Variants in LRP1B observed in about 807,000 individuals in gnomAD.
LRP1B encodes LDL receptor related protein 1B, also known as low-density lipoprotein receptor-related protein 1B.
LRP1B carries 217 observed loss-of-function variants against 556.6 expected under a neutral mutation model. The ratio of observed to expected loss-of-function variants is 0.39; its 90% confidence interval spans 0.35 to 0.44. The LOEUF (loss-of-function observed/expected upper bound fraction) is 0.44, where lower values mean the gene tolerates loss of function less well. Among genes scored for constraint, LRP1B ranks in the 20% least tolerant of loss-of-function variants. The probability of loss-of-function intolerance (pLI) is 1.00; values close to 1 mark genes in which losing one functional copy is unlikely to be tolerated. For synonymous variants in LRP1B, 2,047 were observed against 1,865.8 expected (o/e 1.10, Z -2.50); for missense variants, 5,053 against 5,620.8 (o/e 0.90, Z 3.23).
intron 66 of LRP1B, among the ~76,000 whole-genome samples, chr2:140,403,215 C>T (rs1165272118): frequency 6.6e-6 from 1 of 152,060 alleles, no homozygotes; most frequent in African/African-American, 2.4e-5. Context: ...ATTCTGATAA[C>T]ATGATAAAAC....
intron 2 of LRP1B, among the ~76,000 whole-genome samples, chr2:141,741,263 C>CTTTTTTTTTTTTTTTTTTTTTTT (rs11326947): frequency 1.7e-5 from 1 of 57,988 alleles, no homozygotes; most frequent in Non-Finnish European, 3.3e-5. Context: ...TACTGATTTC[C>CTTTTTTTTTTTTTTTTTTTTTTT]TTTTTTTTTT....
At chr2:140,968,006 T>TTTTGTTGTGTG (rs1558770218) in intron 18 of LRP1B, among the ~76,000 whole-genome samples, 1 of 3,882 alleles carries the variant, frequency 2.6e-4, no homozygotes, top group Admixed American at 8.9e-3. Flanking sequence ...AATTCTCTTT[T>TTTTGTTGTGTG]TTTGCCAGGC....
Position 141,229,329 on chromosome 2 carries a change from A to G in LRP1B, c.704T>C (p.Ile235Thr). The change falls in exon 6 of 91, where the codon ATT (isoleucine) becomes ACT (threonine). Residue 235 changes from isoleucine to threonine, a missense_variant. By Grantham distance (89) the Ile-to-Thr change is moderately conservative (BLOSUM62 -1). This residue lies in a region of LRP1B where 3,619 missense variants were observed against 3,931.9 expected (regional missense o/e 0.92). Coordinates refer to ENST00000389484, the MANE Select transcript of LRP1B (RefSeq NM_018557.3). The stretch of plus-strand genomic sequence containing the variant: ...ATTATAAATAAAATCCAGAGTATGA[A>G]TTTCATTTCCATTGACTGAGCTTAG... ...ATLSSVNGNEIHTLDFIYNED... is the reference protein window; with the variant it reads ...ATLSSVNGNETHTLDFIYNED... The G allele has an allele frequency of 6.2e-7, 1 of 1,612,816 alleles. No homozygotes were observed. The highest frequency in any genetic ancestry group is 8.5e-7 in the Non-Finnish European group (1 of 1,179,132).
chr2:141,354,936 C>T (rs897503670), intron 3 of LRP1B, among the ~76,000 whole-genome samples: 1 of 152,014 alleles, frequency 6.6e-6, no homozygotes, highest in African/African-American at 2.4e-5. Flanking sequence ...TTTAGTTTAT[C>T]ACTAGTAGCA....
chr2:140,893,453 G>A (rs551096613), intron 23 of LRP1B, among the ~76,000 whole-genome samples: 3 of 152,174 alleles, frequency 2.0e-5, no homozygotes, highest in Admixed American at 2.0e-4. Context: ...TTATGTAAAT[G>A]CTCCTGCTTT....
intron 3 of LRP1B, among the ~76,000 whole-genome samples, chr2:141,356,164 C>T (rs1383628831): frequency 6.6e-6 from 1 of 152,166 alleles, no homozygotes; most frequent in Non-Finnish European, 1.5e-5. Context: ...CTGCTGCTAT[C>T]AAAGAGAGAT....
intron 3 of LRP1B, among the ~76,000 whole-genome samples, chr2:141,339,928 C>G (rs942240988): frequency 2.0e-5 from 3 of 151,966 alleles, no homozygotes; most frequent in African/African-American, 4.8e-5. Flanking sequence ...GCTTTCACCC[C>G]CCTCCAAACC....
intron 1 of LRP1B, among the ~76,000 whole-genome samples, chr2:142,033,471 G>C (rs927450511): frequency 6.6e-6 from 1 of 151,416 alleles, no homozygotes; most frequent in Non-Finnish European, 1.5e-5. Flanking sequence ...TTGCCTCCTG[G>C]AATCTATTCC....
chr2:140,356,442 A>T lies in LRP1B; in HGVS notation c.11430T>A (p.Asn3810Lys), dbSNP rs766996117. Residue 3810 changes from asparagine to lysine, a missense_variant, in exon 75 of 91, where the codon AAT becomes AAA. Asn to Lys is a moderately conservative substitution (Grantham distance 94). Coordinates refer to ENST00000389484, the MANE Select transcript of LRP1B (RefSeq NM_018557.3). The stretch of plus-strand genomic sequence containing the variant: ...TACAATATGCATCATCTCCACATGG[A>T]TTCACATTATCTTCACAGGTATATT... ...PTEYTCEDNV[N>K]PCGDDAYCNQ... The T allele has an allele frequency of 6.2e-7, 1 of 1,607,428 alleles. No homozygotes were observed. The highest frequency in any genetic ancestry group is 1.7e-5 in the Admixed American group (1 of 59,856).
At chr2:141,694,237 A>T (rs1691650258) in intron 2 of LRP1B, among the ~76,000 whole-genome samples, 1 of 152,034 alleles carries the variant, frequency 6.6e-6, no homozygotes, top group South Asian at 2.1e-4. Flanking sequence ...CCACTGCATC[A>T]TGTGCCTTTC....
At chr2:141,058,321 A>G (rs1371763614) in intron 9 of LRP1B, among the ~76,000 whole-genome samples, 2 of 151,822 alleles carry the variant, frequency 1.3e-5, no homozygotes. Flanking sequence ...GTGGCTTTTT[A>G]TATTCTCTTT....
At chr2:141,633,676 C>T (rs991232341) in intron 2 of LRP1B, among the ~76,000 whole-genome samples, 3 of 151,970 alleles carry the variant, frequency 2.0e-5, no homozygotes, top group African/African-American at 7.2e-5. Context: ...AGTACATTCG[C>T]AGTGTTGTGC....
intron 6 of LRP1B, among the ~76,000 whole-genome samples, chr2:141,227,225 G>A (rs1683283748): frequency 6.6e-6 from 1 of 152,084 alleles, no homozygotes; most frequent in Admixed American, 6.6e-5. Context: ...CATTATTAGG[G>A]CATATTAAGT....
At chr2:141,673,847 A>G (rs1007571763) in intron 2 of LRP1B, among the ~76,000 whole-genome samples, 1 of 152,042 alleles carries the variant, frequency 6.6e-6, no homozygotes, top group African/African-American at 2.4e-5. Flanking sequence ...AAAATTTTTA[A>G]TCACTATGAG....
chr2:141,263,035 A>G (rs759505154), intron 3 of LRP1B, among the ~76,000 whole-genome samples: 1 of 151,840 alleles, frequency 6.6e-6, no homozygotes, highest in Non-Finnish European at 1.5e-5. Flanking sequence ...TGGTAGGTAT[A>G]TATGCATTTA....
chr2:140,865,039 T>C (rs1367412369), intron 27 of LRP1B, among the ~76,000 whole-genome samples: 1 of 152,080 alleles, frequency 6.6e-6, no homozygotes, highest in Non-Finnish European at 1.5e-5. Context: ...TAAATTTTTC[T>C]AATTAATATT....
chr2:140,994,265 C>T, intron 15 of LRP1B, 130 bp from the exon 16 acceptor site: 1 of 727,004 alleles, frequency 1.4e-6, no homozygotes, highest in South Asian at 1.8e-5. Flanking sequence ...TTGTCCTTCT[C>T]TGTCTACCTT....
At chr2:140,239,407 T>C in intron 88 of LRP1B, 35 bp downstream of exon 88, 1 of 1,361,422 alleles carries the variant, frequency 7.3e-7, no homozygotes, top group East Asian at 2.4e-5. Context: ...GTGTGATTTA[T>C]TCACTGACTG....
At chr2:141,931,277 G>T (rs73964845) in intron 1 of LRP1B, among the ~76,000 whole-genome samples, 2,285 of 152,114 alleles carry the variant, frequency 0.015, 51 homozygotes, top group African/African-American at 0.052. Flanking sequence ...GATACACATC[G>T]TAGGGTGTAT....
Sources: allele counts gnomAD v4.1 joint callset (sites outside exome capture counted in the v4.1 genomes callset), GRCh38; gene constraint gnomAD v4.1.1; regional missense constraint gnomAD v4.1.1; transcripts MANE v1.5; gene names NCBI Gene and HGNC (gene_info 2026-07-23, HGNC 2026-07-21).